PARD3B: variants seen among roughly 807,000 people sequenced by gnomAD.
The protein encoded by PARD3B is partitioning defective 3 homolog B.
PARD3B carries 103 observed loss-of-function variants against 130.2 expected under a neutral mutation model. That is an observed-to-expected ratio of 0.79 (90% CI 0.67 to 0.93). The LOEUF is 0.93. Ranked by LOEUF, PARD3B falls within the 40% of genes least tolerant of loss-of-function variation. The pLI is 0.00. For synonymous variants in PARD3B, 583 were observed against 553.2 expected (o/e 1.05, Z -0.76); for missense variants, 1,609 against 1,499.2 (o/e 1.07, Z -1.21).
intron 2 of PARD3B, among the ~76,000 whole-genome samples, chr2:204,900,660 T>C (rs916956760): frequency 2.3e-4 from 35 of 152,230 alleles, no homozygotes; most frequent in Non-Finnish European, 4.8e-4. Context: ...CATATTTTCC[T>C]GGACCTTCTT....
Position 205,124,385 on chromosome 2 carries a change from T to C in PARD3B, c.1224T>C (p.Gly408=), listed in dbSNP as rs2031129039. Residue 408 remains glycine, a synonymous_variant, in exon 9 of 23, where the codon GGT becomes GGC. Coordinates refer to ENST00000406610, the MANE Select transcript of PARD3B (RefSeq NM_001302769.2). Reference sequence around the variant, plus strand: ...GAGACTCTTCCATACATGGTCCCGGTCCCATTTTTGTAAAAAACATTTTAC... The same window carrying C: ...GAGACTCTTCCATACATGGTCCCGGCCCCATTTTTGTAAAAAACATTTTAC... ...VTRDSSIHGP[G]PIFVKNILPK... is the part of the protein sequence containing the mutation. The C allele has an allele frequency of 2.5e-6, 4 of 1,602,324 alleles. No individual in the cohort carries two copies. The highest frequency in any genetic ancestry group is 2.2e-5 in the South Asian group (2 of 88,916).
chr2:204,635,683 C>T (rs1364031548), intron 1 of PARD3B, among the ~76,000 whole-genome samples: 4 of 152,102 alleles, frequency 2.6e-5, no homozygotes, highest in African/African-American at 7.2e-5. Flanking sequence ...AAAGACACAT[C>T]CTGGGATATG....
chr2:205,231,801 G>C (rs1308211720), intron 15 of PARD3B, among the ~76,000 whole-genome samples: 1 of 152,154 alleles, frequency 6.6e-6, no homozygotes, highest in African/African-American at 2.4e-5. Flanking sequence ...AGAGAAGAGA[G>C]ATCTGCATAG....
chr2:204,696,599 T>C (rs959576873), intron 2 of PARD3B, among the ~76,000 whole-genome samples: 5 of 152,098 alleles, frequency 3.3e-5, no homozygotes, highest in East Asian at 3.9e-4. Flanking sequence ...CTTGTACTTA[T>C]AGATACATTT....
chr2:205,071,804 A>G (rs887146476), intron 4 of PARD3B, among the ~76,000 whole-genome samples: 7 of 152,190 alleles, frequency 4.6e-5, no homozygotes, highest in Non-Finnish European at 7.4e-5. Flanking sequence ...CTTCCTAAAC[A>G]TAACTGCCAC....
intron 18 of PARD3B, among the ~76,000 whole-genome samples, chr2:205,371,381 A>C (rs2044810462): frequency 6.6e-6 from 1 of 152,174 alleles, no homozygotes; most frequent in African/African-American, 2.4e-5. Flanking sequence ...GAATTATTAA[A>C]TGTGGCAGGT....
At chr2:205,428,458 C>T (rs1355314407) in intron 19 of PARD3B, among the ~76,000 whole-genome samples, 1 of 152,176 alleles carries the variant, frequency 6.6e-6, no homozygotes, top group Non-Finnish European at 1.5e-5. Context: ...AGCAAGAAGT[C>T]AGCAATCCAT....
Position 205,557,473 on chromosome 2 carries a change from T to G in PARD3B, c.3260+4070T>G, listed in dbSNP as rs763940897. 3.3e-5 allele frequency among the ~76,000 whole-genome samples: 5 copies of G among 152,332 alleles called. No individual in the cohort carries two copies. The Middle Eastern group carries it at 0.01, about 311-fold the overall frequency. On this transcript the variant is annotated intron_variant, in intron 22 of 22. Transcript: ENST00000406610. ...CTTCTGCTCCTGCAGCTCAGAGTCC[T>G]GCATCTTAGCTCACACACGCTTCCC...
intron 2 of PARD3B, among the ~76,000 whole-genome samples, chr2:204,787,733 A>T (rs1318198428): frequency 6.6e-6 from 1 of 152,184 alleles, no homozygotes; most frequent in Non-Finnish European, 1.5e-5. Context: ...ATATACTGTA[A>T]ATTTATCAGC....
At chr2:205,025,433 C>T (rs981138564) in intron 3 of PARD3B, among the ~76,000 whole-genome samples, 1 of 152,178 alleles carries the variant, frequency 6.6e-6, no homozygotes. Flanking sequence ...CCACTAACAT[C>T]ATGGCTAAGT....
intron 13 of PARD3B, among the ~76,000 whole-genome samples, chr2:205,180,636 A>G (rs1462456735): frequency 2.6e-5 from 4 of 151,718 alleles, no homozygotes; most frequent in East Asian, 1.9e-4. Flanking sequence ...TAAGAATCCA[A>G]TGTTGATATT....
intron 2 of PARD3B, among the ~76,000 whole-genome samples, chr2:204,918,137 T>G (rs2047516743): frequency 6.6e-6 from 1 of 152,214 alleles, no homozygotes; most frequent in Non-Finnish European, 1.5e-5. Context: ...GATAAATGCT[T>G]ACTTAAATTT....
At chr2:205,031,117 C>G (rs1252912735) in intron 3 of PARD3B, among the ~76,000 whole-genome samples, 1 of 152,144 alleles carries the variant, frequency 6.6e-6, no homozygotes, top group African/African-American at 2.4e-5. Context: ...GAAAGATACA[C>G]ATCACAAATC....
In PARD3B at chr2:205,592,481, G is replaced by A. The variant is rs1221386689; in HGVS notation, c.3261-22975G>A. Among the ~76,000 whole-genome samples, 1 of 152,182 alleles carries A rather than the reference G, an allele frequency of 6.6e-6. No individual in the cohort carries two copies. The highest frequency in any genetic ancestry group is 1.5e-5 in the Non-Finnish European group (1 of 68,038). On this transcript the variant is annotated intron_variant, in intron 22 of 22. Transcript: ENST00000406610. The surrounding 1 kb of genome is among the most constrained non-coding windows in gnomAD (Gnocchi z 4.5). ...GGTGCCTACCATGAGCCAGGCACTG[G>A]AGAGTGAACGGTGAACTCGGTAATA...
At chr2:205,185,111 T>C (rs1258190915) in intron 13 of PARD3B, among the ~76,000 whole-genome samples, 1 of 152,238 alleles carries the variant, frequency 6.6e-6, no homozygotes, top group Middle Eastern at 3.2e-3. Context: ...GATACATGTC[T>C]ATTCTTATAG....
At chr2:205,009,202 G>T (rs1293840853) in intron 3 of PARD3B, among the ~76,000 whole-genome samples, 2 of 152,052 alleles carry the variant, frequency 1.3e-5, no homozygotes, top group Non-Finnish European at 1.5e-5. Context: ...CATAAAATTG[G>T]TATCATCTAA....
chr2:205,554,408 A>AGTAT (rs2052788733), intron 22 of PARD3B, among the ~76,000 whole-genome samples: 1 of 152,248 alleles, frequency 6.6e-6, no homozygotes. Context: ...TTTTATAAAT[A>AGTAT]GTATGTTATT....
At chr2:204,822,670 A>G (rs1162449623) in intron 2 of PARD3B, among the ~76,000 whole-genome samples, 1 of 152,142 alleles carries the variant, frequency 6.6e-6, no homozygotes, top group Non-Finnish European at 1.5e-5. Context: ...GATACTGAGT[A>G]AATACTGAGA....
intron 1 of PARD3B, among the ~76,000 whole-genome samples, chr2:204,554,609 A>AT (rs1255729876): frequency 6.6e-6 from 1 of 150,906 alleles, no homozygotes; most frequent in African/African-American, 2.4e-5. Flanking sequence ...GATTTTTATT[A>AT]TTTTTTTCTT....
Sources: gnomAD v4.1 joint callset for allele counts (sites outside exome capture counted in the v4.1 genomes callset) on GRCh38, gnomAD v4.1.1 for gene constraint, Gnocchi (gnomAD v3.1) non-coding constraint, MANE v1.5 for transcripts, NCBI Gene and HGNC (gene_info 2026-07-23, HGNC 2026-07-21) for gene names.